GPC5: variants seen among roughly 807,000 people sequenced by gnomAD.
GPC5 encodes the protein glypican-5.
GPC5 carries 47 observed loss-of-function variants against 53.9 expected under a neutral mutation model. The observed-to-expected ratio is 0.87, with a 90% CI of 0.69 to 1.11. The LOEUF (loss-of-function observed/expected upper bound fraction) is 1.11, where lower values mean the gene tolerates loss of function less well. GPC5 is among the 50% of genes most tolerant of loss of function. The pLI is 0.00. For missense variants in GPC5, 748 were observed against 713.1 expected (o/e 1.05, Z -0.56); for synonymous variants, 286 against 263.3 (o/e 1.09, Z -0.84).
intron 2 of GPC5, among the ~76,000 whole-genome samples, chr13:91,671,780 C>CAAAAAAAAAAAAAAAAAAAAAAAAAAA (rs55758033): frequency 1.5e-4 from 5 of 33,120 alleles, no homozygotes; most frequent in African/African-American, 1.9e-4. Context: ...CAATCTGAAG[C>CAAAAAAAAAAAAAAAAAAAAAAAAAAA]AAAAAAAAAA....
intron 7 of GPC5, among the ~76,000 whole-genome samples, chr13:92,272,100 C>T (rs1190976874): frequency 6.6e-6 from 1 of 152,134 alleles, no homozygotes; most frequent in Non-Finnish European, 1.5e-5. Flanking sequence ...TGGGCACCTG[C>T]ATCTCTAAAC....
Position 91,448,824 on chromosome 13 carries a change from GA to G in GPC5, c.228del (p.Arg76SerfsTer21), listed in dbSNP as rs1418622864. On this transcript the variant is annotated frameshift_variant, in exon 2 of 8. Coordinates refer to ENST00000377067, the MANE Select transcript of GPC5 (RefSeq NM_004466.6). LOFTEE classifies it high-confidence loss of function. ...TGTTGCACCAGGAAGATGGAGGAGAGATATCAGATTGCGGCTCGCCAGGATA... is the reference window on the plus strand; with the variant it reads ...TGTTGCACCAGGAAGATGGAGGAGAGTATCAGATTGCGGCTCGCCAGGATA... Reference protein sequence around the residue: ...PTCCTRKMEERYQIAARQDMQ... With the variant: ...PTCCTRKMEEXYQIAARQDMQ... 1.2e-6 allele frequency: 2 copies of G among 1,613,792 alleles called. No homozygotes were observed. Among genetic ancestry groups the G allele is most frequent in the Non-Finnish European group, 1.7e-6 (2 of 1,179,798 alleles).
At chr13:92,420,990 A>G (rs1389900368) in intron 7 of GPC5, among the ~76,000 whole-genome samples, 2 of 152,350 alleles carry the variant, frequency 1.3e-5, no homozygotes, top group African/African-American at 4.8e-5. Flanking sequence ...CTAACTAGCC[A>G]CAAATGGAAT....
At chr13:91,805,769 A>G (rs2038209738) in intron 5 of GPC5, among the ~76,000 whole-genome samples, 1 of 152,180 alleles carries the variant, frequency 6.6e-6, no homozygotes, top group Non-Finnish European at 1.5e-5. Flanking sequence ...TGTAGCATAT[A>G]AGGCAATTAA....
Position 92,144,854 on chromosome 13 carries a change from C to T in GPC5, c.1426C>T (p.Pro476Ser). 3 of 1,611,642 alleles carry T rather than the reference C, an allele frequency of 1.9e-6. No individual in the cohort carries two copies. Among genetic ancestry groups the T allele is most frequent in the South Asian group, 1.1e-5 (1 of 90,946 alleles). ...VQLLQGRSPK[P>S]DKWELLQLGS... ...GTTGTTACAGGGTAGATCACCCAAA[C>T]CTGACAAGTGGGAACTTCTTCAGCT... The change falls in exon 7 of 8, where the codon CCT becomes TCT. Residue 476 changes from proline to serine, a missense_variant. Physicochemically the swap from Pro to Ser is moderately conservative, Grantham distance 74. Transcript: ENST00000377067.
At chr13:92,669,906 G>A (rs12583839) in intron 7 of GPC5, among the ~76,000 whole-genome samples, 33,653 of 152,046 alleles carry the variant, frequency 0.22, 4,392 homozygotes, top group South Asian at 0.36. Context: ...ACAATGTACC[G>A]GAATCCCTAG....
chr13:92,628,933 C>T (rs1594362892), intron 7 of GPC5, among the ~76,000 whole-genome samples: 2 of 152,262 alleles, frequency 1.3e-5, no homozygotes, highest in Admixed American at 1.3e-4. Flanking sequence ...TCACGTTACA[C>T]CAATTTTCTT....
chr13:91,853,916 C>G (rs2038939819), intron 5 of GPC5, among the ~76,000 whole-genome samples: 1 of 151,878 alleles, frequency 6.6e-6, no homozygotes, highest in Non-Finnish European at 1.5e-5. Context: ...CAGTGAGAAC[C>G]TTTCAGCCAT....
chr13:91,920,922 C>G (rs1435827102), intron 6 of GPC5, among the ~76,000 whole-genome samples: 1 of 61,480 alleles, frequency 1.6e-5, no homozygotes, highest in Non-Finnish European at 3.4e-5. Context: ...CTCTCTCTCT[C>G]TCTCTTTTTT....
At chr13:92,419,616 A>T (rs933471639) in intron 7 of GPC5, among the ~76,000 whole-genome samples, 7 of 152,224 alleles carry the variant, frequency 4.6e-5, no homozygotes, top group African/African-American at 1.7e-4. Context: ...AACTCAAAAA[A>T]TGAGTCATTT....
intron 7 of GPC5, among the ~76,000 whole-genome samples, chr13:92,236,372 A>G (rs1054103717): frequency 6.6e-6 from 1 of 152,088 alleles, no homozygotes; most frequent in Non-Finnish European, 1.5e-5. Context: ...ATAGCAAATG[A>G]TGTAAATCTA....
At position 92,322,451 on chromosome 13, in the gene GPC5, C is replaced by T. The variant is rs1470193135; in HGVS notation, c.1561+177462C>T. Among the ~76,000 whole-genome samples, 3 of 152,030 alleles carry T rather than the reference C, an allele frequency of 2.0e-5. No homozygotes were observed. In the East Asian group the frequency reaches 5.8e-4, roughly 29 times the overall value. On this transcript the variant is annotated intron_variant, in intron 7 of 7. Transcript: ENST00000377067. Reference sequence around the variant, plus strand: ...ACATTTATAGTTTGGAAAATAATTTCTGTAGAAACCTGAAGAAATTACTGG... The same window carrying T: ...ACATTTATAGTTTGGAAAATAATTTTTGTAGAAACCTGAAGAAATTACTGG...
chr13:91,904,140 CTTTTTTTT>C (rs57293387), intron 5 of GPC5, among the ~76,000 whole-genome samples: 1 of 94,670 alleles, frequency 1.1e-5, no homozygotes, highest in Non-Finnish European at 2.0e-5. Flanking sequence ...TCTTTTCTTT[CTTTTTTTT>C]TTTTTTTTTT....
chr13:92,459,691 T>G (rs1878406188), intron 7 of GPC5, among the ~76,000 whole-genome samples: 2 of 152,192 alleles, frequency 1.3e-5, no homozygotes, highest in South Asian at 4.1e-4. Flanking sequence ...TTTAATAATT[T>G]TCTACATGTA....
At chr13:92,520,317 A>G (rs1310938135) in intron 7 of GPC5, among the ~76,000 whole-genome samples, 2 of 152,172 alleles carry the variant, frequency 1.3e-5, no homozygotes, top group East Asian at 1.9e-4. Context: ...CCTGGCAGAG[A>G]CACAACAAAA....
At chr13:92,128,761 G>A (rs1396406596) in intron 6 of GPC5, among the ~76,000 whole-genome samples, 6 of 152,082 alleles carry the variant, frequency 3.9e-5, no homozygotes, top group East Asian at 1.9e-4. Context: ...TCAGGAGATC[G>A]AGACTATCCT....
chr13:91,619,547 T>C (rs1418477825), intron 2 of GPC5, among the ~76,000 whole-genome samples: 2 of 152,106 alleles, frequency 1.3e-5, no homozygotes, highest in East Asian at 3.9e-4. Context: ...TCCACAGCTC[T>C]TACTCAAGTA....
In GPC5 at chr13:91,568,219, T is replaced by C. The variant is rs527408934; in HGVS notation, c.325+119297T>C. Among the ~76,000 whole-genome samples the C allele has an allele frequency of 6.6e-5, 10 of 152,326 alleles. No individual in the cohort carries two copies. In the South Asian group the frequency reaches 2.1e-3, roughly 32 times the overall value. On this transcript the variant is annotated intron_variant, in intron 2 of 7. Transcript: ENST00000377067. ...AGAATGGACTAATGCAGATGCCTATTAATGCCTTGCTTCTCAAAGTGTGAT... is the reference window on the plus strand; with the variant it reads ...AGAATGGACTAATGCAGATGCCTATCAATGCCTTGCTTCTCAAAGTGTGAT...
chr13:92,731,148 T>C (rs1888790390), intron 7 of GPC5, among the ~76,000 whole-genome samples: 1 of 151,266 alleles, frequency 6.6e-6, no homozygotes, highest in Non-Finnish European at 1.5e-5. Flanking sequence ...AAGAACTCAA[T>C]AGGTTGAGAA....
Sources: allele counts gnomAD v4.1 joint callset (sites outside exome capture counted in the v4.1 genomes callset), GRCh38; gene constraint gnomAD v4.1.1; transcripts MANE v1.5; gene names NCBI Gene and HGNC (gene_info 2026-07-23, HGNC 2026-07-21).